Variants in FHL2 observed in about 807,000 individuals in gnomAD.
FHL2 encodes the protein four and a half LIM domains protein 2.
FHL2 carries 20 observed loss-of-function variants against 32.7 expected under a neutral mutation model. That is an observed-to-expected ratio of 0.61 (90% CI 0.43 to 0.89). FHL2 has a LOEUF of 0.89. Among genes scored for constraint, FHL2 ranks in the 40% least tolerant of loss-of-function variants. The probability of loss-of-function intolerance (pLI) is 0.00; values close to 1 mark genes in which losing one functional copy is unlikely to be tolerated. For missense variants in FHL2, 311 were observed against 358.6 expected (o/e 0.87, Z 1.07); for synonymous variants, 123 against 128.1 (o/e 0.96, Z 0.27).
intron 1 of FHL2, among the ~76,000 whole-genome samples, chr2:105,432,786 T>C (rs1304656759): frequency 1.3e-5 from 2 of 152,216 alleles, no homozygotes; most frequent in Admixed American, 6.5e-5. Context: ...TCCTTAAGCA[T>C]ACATTATCAT....
chr2:105,371,469 T>C (rs914632918), intron 4 of FHL2, among the ~76,000 whole-genome samples: 1 of 152,060 alleles, frequency 6.6e-6, no homozygotes, highest in Non-Finnish European at 1.5e-5. Context: ...ATCTCTTCCC[T>C]GAGCCTCCAG....
chr2:105,364,077 C>T lies in FHL2; in HGVS notation c.502-606G>A, dbSNP rs369410101. On this transcript the variant is annotated intron_variant, in intron 5 of 6. Coordinates refer to ENST00000530340, the MANE Select transcript of FHL2 (RefSeq NM_001318895.3). ...TTCGAGACCAGCCTGGCCAACATGG[C>T]GAAACCCCATCTCTACTAAAAATAC... Among the ~76,000 whole-genome samples, 11 of 151,940 alleles carry T rather than the reference C, an allele frequency of 7.2e-5. No individual in the cohort carries two copies. The East Asian group carries it at 1.2e-3, about 16-fold the overall frequency.
At chr2:105,373,786 C>T (rs1242739564) in intron 3 of FHL2, 53 bp from the exon 4 acceptor site, 5 of 1,596,980 alleles carry the variant, frequency 3.1e-6, no homozygotes, top group Non-Finnish European at 2.6e-6. Context: ...AGGGCTTGGA[C>T]CCACAGCATA....
At chr2:105,386,339 C>G (rs372712473) in intron 3 of FHL2, 22 bp downstream of exon 3, 1 of 1,610,174 alleles carries the variant, frequency 6.2e-7, no homozygotes, top group Non-Finnish European at 8.5e-7. Flanking sequence ...GCCGGGGACC[C>G]GCAGAGGCCC....
At chr2:105,394,956 A>C (rs1332688289) in intron 2 of FHL2, among the ~76,000 whole-genome samples, 1 of 152,260 alleles carries the variant, frequency 6.6e-6, no homozygotes, top group African/African-American at 2.4e-5. Flanking sequence ...TAAAGGGAAA[A>C]CAATAAATAT....
At chr2:105,382,159 G>A (rs1176442255) in intron 3 of FHL2, among the ~76,000 whole-genome samples, 1 of 152,178 alleles carries the variant, frequency 6.6e-6, no homozygotes, top group Non-Finnish European at 1.5e-5. Context: ...TCACTTCAAT[G>A]TTTCCTATTA....
intron 1 of FHL2, among the ~76,000 whole-genome samples, chr2:105,431,640 C>CA (rs1684435515): frequency 3.3e-5 from 5 of 152,170 alleles, no homozygotes; most frequent in Non-Finnish European, 5.9e-5. Context: ...TCATGTAGGG[C>CA]TCTGTTGGCT....
At chr2:105,437,104 G>A (rs1297191797) in intron 1 of FHL2, among the ~76,000 whole-genome samples, 3 of 152,182 alleles carry the variant, frequency 2.0e-5, no homozygotes, top group South Asian at 2.1e-4. Context: ...CCTGCTGAAA[G>A]GCAAGATGGT....
chr2:105,367,504 G>GGT, intron 5 of FHL2, 66 bp downstream of exon 5: 1 of 1,489,122 alleles, frequency 6.7e-7, no homozygotes, highest in Admixed American at 2.0e-5. Context: ...AAAGAGAACT[G>GGT]ACAGACATGG....
intron 1 of FHL2, among the ~76,000 whole-genome samples, chr2:105,427,117 G>A (rs1573407737): frequency 6.6e-6 from 1 of 152,170 alleles, no homozygotes; most frequent in African/African-American, 2.4e-5. Context: ...AACCTGCAAA[G>A]ATGGTTTATA....
chr2:105,393,048 C>T (rs1332191254), intron 2 of FHL2, among the ~76,000 whole-genome samples: 2 of 151,890 alleles, frequency 1.3e-5, no homozygotes, highest in Admixed American at 1.3e-4. Flanking sequence ...TGACAGACAG[C>T]CTCCCTTGGC....
Position 105,367,758 on chromosome 2 carries a change from G to A in FHL2, c.332-19C>T, listed in dbSNP as rs1417097760. 2.5e-6 allele frequency: 4 copies of A among 1,610,244 alleles called. No individual in the cohort carries two copies. In the South Asian group the frequency reaches 3.3e-5, roughly 13 times the overall value. ...CGGGTACCTGTCATCAGGGTCAAGA[G>A]GAACACAGCAGAGTTATGGTTAGAG... On this transcript the variant is annotated intron_variant, in intron 4 of 6. Coordinates refer to ENST00000530340, the MANE Select transcript of FHL2 (RefSeq NM_001318895.3).
chr2:105,380,388 GTCTA>G (rs1472849314), intron 3 of FHL2, among the ~76,000 whole-genome samples: 1 of 152,124 alleles, frequency 6.6e-6, no homozygotes, highest in African/African-American at 2.4e-5. Context: ...TGTTCTGTCT[GTCTA>G]TCTATCATCT....
Position 105,430,210 on chromosome 2 carries a change from C to T in FHL2, c.-25+8189G>A, listed in dbSNP as rs78676196. ...CATCGTTGGGGCTTAGCAAACGACA[C>T]CCCAAAGTGTGGCGCTGTGGCTTGC... On this transcript the variant is annotated intron_variant, in intron 1 of 5. Transcript: ENST00000393352. Among the ~76,000 whole-genome samples, 259 of 152,312 alleles carry T rather than the reference C, an allele frequency of 1.7e-3. 8 individuals carry two copies. The East Asian group carries it at 0.043, about 26-fold the overall frequency.
At chr2:105,434,430 T>G (rs893788823) in intron 1 of FHL2, among the ~76,000 whole-genome samples, 2 of 152,110 alleles carry the variant, frequency 1.3e-5, no homozygotes, top group African/African-American at 4.8e-5. Flanking sequence ...AAATTAGCAG[T>G]GGTGGCCTAT....
intron 4 of FHL2, among the ~76,000 whole-genome samples, chr2:105,370,437 T>G (rs970211192): frequency 6.6e-6 from 1 of 151,628 alleles, no homozygotes; most frequent in Non-Finnish European, 1.5e-5. Context: ...ACAGAATCGC[T>G]ACTTGAGTCT....
intron 1 of FHL2, among the ~76,000 whole-genome samples, chr2:105,431,420 T>C (rs190024209): frequency 6.6e-6 from 1 of 152,236 alleles, no homozygotes; most frequent in Admixed American, 6.5e-5. Flanking sequence ...AGATGAAGTG[T>C]TTAGGGGTAG....
chr2:105,411,551 T>G (rs1233138903), intron 1 of FHL2, among the ~76,000 whole-genome samples: 12 of 148,342 alleles, frequency 8.1e-5, no homozygotes, highest in Non-Finnish European at 1.3e-4. Context: ...TTTTTTTTTT[T>G]TTTTTTTTTT....
chr2:105,432,667 C>T (rs1468149119), intron 1 of FHL2, among the ~76,000 whole-genome samples: 2 of 151,564 alleles, frequency 1.3e-5, no homozygotes, highest in African/African-American at 2.4e-5. Flanking sequence ...TACAGAGGCA[C>T]ACACAGACAC....
Sources: gnomAD v4.1 joint callset for allele counts (sites outside exome capture counted in the v4.1 genomes callset) on GRCh38, gnomAD v4.1.1 for gene constraint, MANE v1.5 for transcripts, NCBI Gene and HGNC (gene_info 2026-07-23, HGNC 2026-07-21) for gene names.